Variants in DNM3 observed in about 807,000 individuals in gnomAD.
DNM3 encodes the protein dynamin 3.
Under a neutral mutation model 101.6 loss-of-function variants are expected in DNM3, and 47 were observed. The observed-to-expected ratio is 0.46, with a 90% confidence interval of 0.37 to 0.59. The LOEUF is 0.59. DNM3 is among the 20% of genes least tolerant of loss of function. The probability of loss-of-function intolerance (pLI) is 0.00; values close to 1 mark genes in which losing one functional copy is unlikely to be tolerated. For missense variants in DNM3, 849 were observed against 1,085.7 expected, an observed-to-expected ratio of 0.78 and a Z score of 3.06; for synonymous variants, 385 against 387.9, an observed-to-expected ratio of 0.99 and a Z score of 0.09.
intron 1 of DNM3, among the ~76,000 whole-genome samples, chr1:171,881,199 C>T (rs921063669): frequency 1.1e-4 from 17 of 152,016 alleles, no homozygotes; most frequent in Non-Finnish European, 2.5e-4. Context: ...CATTTGTTTA[C>T]TAAGATATCA....
At chr1:172,155,594 A>G (rs573255597) in intron 14 of DNM3, among the ~76,000 whole-genome samples, 2 of 152,190 alleles carry the variant, frequency 1.3e-5, no homozygotes, top group South Asian at 4.1e-4. Context: ...CTTTATATCT[A>G]TGGAAAGTGC....
rs367760498 is a variant in DNM3, at chr1:172,044,448, A to G, written c.1192A>G (p.Ile398Val). The change falls in exon 9 of 21, where the codon ATC (isoleucine) becomes GTC (valine). Residue 398 changes from isoleucine to valine, a missense_variant. This residue lies in a region of DNM3 where 7 missense variants were observed against 29.2 expected (regional missense o/e 0.24). Transcript: ENST00000627582. ...ISYAIKNIHG[I>V]RTGLFTPDMA... is the part of the protein sequence containing the mutation. Reference sequence around the variant, plus strand: ...CTATGCAATCAAAAACATACATGGTATCAGGCAAGTGATTCACATTTTTCT... The same window carrying G: ...CTATGCAATCAAAAACATACATGGTGTCAGGCAAGTGATTCACATTTTTCT... 1.2e-5 allele frequency: 20 copies of G among 1,605,390 alleles called. No homozygotes were observed. In the African/African-American group the frequency reaches 2.7e-4, roughly 21 times the overall value.
intron 4 of DNM3, among the ~76,000 whole-genome samples, chr1:171,996,752 G>A (rs1056656038): frequency 2.0e-5 from 3 of 151,958 alleles, no homozygotes; most frequent in African/African-American, 4.8e-5. Flanking sequence ...TAATTGGCTC[G>A]GCATGGTGGC....
At chr1:172,046,449 A>G (rs1162532881) in intron 9 of DNM3, among the ~76,000 whole-genome samples, 3 of 152,128 alleles carry the variant, frequency 2.0e-5, no homozygotes, top group African/African-American at 7.2e-5. Flanking sequence ...AGATATACCT[A>G]ATGCTAAATG....
At chr1:172,246,733 G>A (rs1390326272) in intron 14 of DNM3, among the ~76,000 whole-genome samples, 3 of 152,114 alleles carry the variant, frequency 2.0e-5, no homozygotes, top group South Asian at 2.1e-4. Flanking sequence ...AGAAAATGAG[G>A]TGTGGGTGAG....
chr1:172,285,858 C>G (rs890504428), intron 15 of DNM3, among the ~76,000 whole-genome samples: 1 of 152,030 alleles, frequency 6.6e-6, no homozygotes. Flanking sequence ...ACACAGACAG[C>G]CCCAACGCAG....
At chr1:172,399,480 A>G (rs1179622874) in intron 20 of DNM3, among the ~76,000 whole-genome samples, 1 of 152,134 alleles carries the variant, frequency 6.6e-6, no homozygotes, top group Non-Finnish European at 1.5e-5. Flanking sequence ...CATCAGAAAG[A>G]GGAGGCTCGT....
chr1:172,239,391 A>ATGTATCCG (rs1312114097), intron 14 of DNM3, among the ~76,000 whole-genome samples: 1 of 152,176 alleles, frequency 6.6e-6, no homozygotes, highest in African/African-American at 2.4e-5. Flanking sequence ...GGAAATAAAC[A>ATGTATCCG]TGTATCCGAA....
intron 1 of DNM3, among the ~76,000 whole-genome samples, chr1:171,908,434 T>C (rs1040380499): frequency 1.3e-5 from 2 of 152,214 alleles, no homozygotes; most frequent in East Asian, 1.9e-4. Context: ...ATTTTGTCAA[T>C]ATTATTTGCT....
intron 13 of DNM3, among the ~76,000 whole-genome samples, chr1:172,125,806 C>T (rs971301191): frequency 5.9e-5 from 9 of 152,000 alleles, no homozygotes; most frequent in Non-Finnish European, 1.3e-4. Flanking sequence ...TTGTAGTGGA[C>T]ATTAATAGAT....
At chr1:172,371,897 T>C (rs1481950935) in intron 17 of DNM3, among the ~76,000 whole-genome samples, 1 of 148,608 alleles carries the variant, frequency 6.7e-6, no homozygotes, top group Non-Finnish European at 1.5e-5. Context: ...CTTTTTTATT[T>C]ATTTATTTAT....
chr1:171,906,761 G>A (rs1392895118), intron 1 of DNM3, among the ~76,000 whole-genome samples: 7 of 151,940 alleles, frequency 4.6e-5, no homozygotes, highest in South Asian at 2.1e-4. Context: ...TAATCATCAC[G>A]AAGGAAAAGA....
intron 1 of DNM3, among the ~76,000 whole-genome samples, chr1:171,893,958 G>C (rs973152778): frequency 1.3e-5 from 2 of 151,940 alleles, no homozygotes; most frequent in Non-Finnish European, 2.9e-5. Context: ...TGAGTAGTTG[G>C]GATTATAGGC....
chr1:172,045,053 A>G (rs987045935), intron 9 of DNM3, among the ~76,000 whole-genome samples: 1 of 152,088 alleles, frequency 6.6e-6, no homozygotes, highest in African/African-American at 2.4e-5. Context: ...TGGGATGACC[A>G]AAGGCAAAGA....
intron 14 of DNM3, among the ~76,000 whole-genome samples, chr1:172,236,040 C>T (rs758483137): frequency 1.8e-4 from 28 of 152,132 alleles, no homozygotes; most frequent in Non-Finnish European, 2.4e-4. Flanking sequence ...GCCATACAGG[C>T]GTATGCCAAA....
At chr1:172,265,014 A>G (rs1490002607) in intron 15 of DNM3, among the ~76,000 whole-genome samples, 1 of 152,160 alleles carries the variant, frequency 6.6e-6, no homozygotes, top group Admixed American at 6.6e-5. Context: ...TTACTGTAAG[A>G]TCATACAAAT....
chr1:171,861,992 G>A (rs1400289258), intron 1 of DNM3, among the ~76,000 whole-genome samples: 1 of 152,138 alleles, frequency 6.6e-6, no homozygotes, highest in Non-Finnish European at 1.5e-5. Flanking sequence ...CTCAACATCA[G>A]TAGTCAGTAG....
At chr1:171,884,080 A>G (rs2036557220) in intron 1 of DNM3, among the ~76,000 whole-genome samples, 2 of 152,178 alleles carry the variant, frequency 1.3e-5, no homozygotes, top group South Asian at 2.1e-4. Context: ...CTGCATCTTC[A>G]AAGTTTTGTC....
chr1:171,903,739 T>C (rs1048393027), intron 1 of DNM3, among the ~76,000 whole-genome samples: 8 of 152,188 alleles, frequency 5.3e-5, no homozygotes, highest in South Asian at 4.1e-4. Flanking sequence ...AAAATTTAAC[T>C]TGTAGACATT....
Sources: gnomAD v4.1 joint callset for allele counts (sites outside exome capture counted in the v4.1 genomes callset) on GRCh38, gnomAD v4.1.1 for gene constraint, gnomAD v4.1.1 regional missense constraint, MANE v1.5 for transcripts, NCBI Gene and HGNC (gene_info 2026-07-23, HGNC 2026-07-21) for gene names.